Variants in TNRC6C observed in about 807,000 individuals in gnomAD.
The protein encoded by TNRC6C is trinucleotide repeat-containing gene 6C protein.
A neutral mutation model predicts 153.7 loss-of-function variants in TNRC6C; 20 were observed. The ratio of observed to expected loss-of-function variants is 0.13; its 90% CI spans 0.09 to 0.19. The LOEUF is 0.19. TNRC6C is among the 10% of genes least tolerant of loss of function. The probability of loss-of-function intolerance (pLI) is 1.00; values close to 1 mark genes in which losing one functional copy is unlikely to be tolerated. For missense variants in TNRC6C, 1,987 were observed against 2,172.0 expected, an observed-to-expected ratio of 0.91 and a Z score of 1.69; for synonymous variants, 811 against 841.4, an observed-to-expected ratio of 0.96 and a Z score of 0.63.
chr17:77,965,105 AC>A (rs1567892555), intron 1 of TNRC6C, among the ~76,000 whole-genome samples: 1 of 152,326 alleles, frequency 6.6e-6, no homozygotes, highest in East Asian at 1.9e-4. Context: ...TTTAATCCTC[AC>A]AACACTCCTG....
chr17:78,061,118 A>G (rs2072759815), intron 3 of TNRC6C, among the ~76,000 whole-genome samples: 1 of 152,180 alleles, frequency 6.6e-6, no homozygotes, highest in East Asian at 1.9e-4. Flanking sequence ...ATTTGAAGAA[A>G]TTGAAGGGAG....
At chr17:78,106,409 G>A (rs1281134613) in exon 20 of TNRC6C, 4 of 151,818 alleles carry the variant, frequency 2.6e-5, no homozygotes, top group African/African-American at 9.7e-5. Context: ...AGGCGTTGTG[G>A]CCACTGTCTT....
At chr17:77,967,192 T>G (rs2070904132) in intron 1 of TNRC6C, among the ~76,000 whole-genome samples, 1 of 152,224 alleles carries the variant, frequency 6.6e-6, no homozygotes, top group Non-Finnish European at 1.5e-5. Flanking sequence ...TCTATCAACT[T>G]TAGACTTTAA....
rs1209704353 is a variant in TNRC6C at position 78,075,824 on chromosome 17, C to G, written c.3060+546C>G. Among the ~76,000 whole-genome samples, 1 of 152,020 alleles carries G rather than the reference C, an allele frequency of 6.6e-6. No homozygotes were observed. The highest frequency in any genetic ancestry group is 1.5e-5 in the Non-Finnish European group (1 of 68,016). ...ATGTCCCCATGCCAGACTGGTGTGA[C>G]TGCAAAGCGGAGAAAAGCATTGCAC... On this transcript the variant is annotated intron_variant, in intron 8 of 19. Transcript: ENST00000301624. This position sits in a 1 kb window ranked among gnomAD's most constrained non-coding sequence, Gnocchi z 4.2.
chr17:77,971,471 T>G (rs866550843), intron 1 of TNRC6C, among the ~76,000 whole-genome samples: 1 of 152,140 alleles, frequency 6.6e-6, no homozygotes, highest in Non-Finnish European at 1.5e-5. Context: ...CTCCCCAGAC[T>G]CAATATTTCC....
At chr17:78,002,592 C>T (rs1226404936), upstream of TNRC6C, among the ~76,000 whole-genome samples, 2 of 152,158 alleles carry the variant, frequency 1.3e-5, no homozygotes, top group Non-Finnish European at 2.9e-5. Flanking sequence ...TCCCAGAGCA[C>T]TTATAAAGCT....
At chr17:77,974,125 A>G (rs1291773697) in intron 1 of TNRC6C, among the ~76,000 whole-genome samples, 1 of 152,140 alleles carries the variant, frequency 6.6e-6, no homozygotes, top group Non-Finnish European at 1.5e-5. Context: ...AAAAGTTAAA[A>G]CAGGCTGAAG....
intron 1 of TNRC6C, among the ~76,000 whole-genome samples, chr17:77,968,461 C>T (rs2070916055): frequency 6.6e-6 from 1 of 152,044 alleles, no homozygotes; most frequent in African/African-American, 2.4e-5. Context: ...TCTGCCTCAG[C>T]CTCCCAAGTA....
chr17:77,973,826 A>T (rs2070961819), intron 1 of TNRC6C, among the ~76,000 whole-genome samples: 1 of 152,206 alleles, frequency 6.6e-6, no homozygotes, highest in South Asian at 2.1e-4. Flanking sequence ...TTGCTGAGAG[A>T]AATTAAAGAG....
intron 6 of TNRC6C, among the ~76,000 whole-genome samples, chr17:78,072,298 T>TC (rs1159602935): frequency 6.6e-6 from 1 of 152,256 alleles, no homozygotes; most frequent in Non-Finnish European, 1.5e-5. Flanking sequence ...ATTACTGTGT[T>TC]CCAGTCATAA....
At chr17:78,091,565 C>A in exon 14 of TNRC6C, 1 of 1,592,708 alleles carries the variant, frequency 6.3e-7, no homozygotes, top group Non-Finnish European at 8.5e-7. Flanking sequence ...GGATAACTTG[C>A]CCAGTGCCGC....
chr17:77,992,985 A>T (rs1241740980), intron 1 of TNRC6C, among the ~76,000 whole-genome samples: 2 of 151,210 alleles, frequency 1.3e-5, no homozygotes, highest in Non-Finnish European at 2.9e-5. Flanking sequence ...TTTTTTTTTG[A>T]GATGGAGTCT....
intron 2 of TNRC6C, among the ~76,000 whole-genome samples, chr17:78,033,939 C>G (rs1206149601): frequency 6.6e-6 from 1 of 152,220 alleles, no homozygotes; most frequent in African/African-American, 2.4e-5. Context: ...CCCTCACAAA[C>G]CTGCCGTGGT....
chr17:77,971,162 G>T (rs1275492204), intron 1 of TNRC6C, among the ~76,000 whole-genome samples: 1 of 152,124 alleles, frequency 6.6e-6, no homozygotes, highest in Non-Finnish European at 1.5e-5. Flanking sequence ...CAAGTCTCTG[G>T]AATTTGTTAT....
chr17:78,073,021 C>G lies in TNRC6C; in HGVS notation c.2860-16C>G. 6.5e-7 allele frequency: 1 copy of G among 1,549,478 alleles called. No homozygotes were observed. Among genetic ancestry groups the G allele is most frequent in the Non-Finnish European group, 8.7e-7 (1 of 1,145,100 alleles). On this transcript the variant is annotated splice_polypyrimidine_tract_variant and intron_variant, in intron 6 of 19. Transcript: ENST00000301624. ...TAATTAATGTGCACTAATGAAAACT[C>G]TGTTTTCCTACACAGAGAGAGCCAG... is the stretch of plus-strand genomic sequence containing the variant.
chr17:78,021,559 G>C (rs2071832295), intron 1 of TNRC6C, among the ~76,000 whole-genome samples: 1 of 152,142 alleles, frequency 6.6e-6, no homozygotes, highest in Non-Finnish European at 1.5e-5. Context: ...CATGGAATAG[G>C]TTATTTATTT....
Position 78,094,493 on chromosome 17 carries a change from T to C in TNRC6C, c.4306+730T>C, listed in dbSNP as rs185894391. Among the ~76,000 whole-genome samples, 432 of 151,500 alleles carry C rather than the reference T, an allele frequency of 2.9e-3. 4 individuals are homozygous for C. The highest frequency in any genetic ancestry group is 9.9e-3 in the African/African-American group (410 of 41,284). On this transcript the variant is annotated intron_variant, in intron 16 of 19. Coordinates refer to ENST00000301624, the Ensembl canonical transcript of TNRC6C. ...TCGCTCTCTTGCCCAGGCTGGAGTATAGTGGCGTGATCTTGGCTCACTGCA... is the reference window on the plus strand; with the variant it reads ...TCGCTCTCTTGCCCAGGCTGGAGTACAGTGGCGTGATCTTGGCTCACTGCA...
intron 9 of TNRC6C, 125 bp downstream of exon 11, chr17:78,077,459 A>G: frequency 8.0e-7 from 1 of 1,256,084 alleles, no homozygotes; most frequent in Non-Finnish European, 1.1e-6. Flanking sequence ...CTGAAAAAGT[A>G]GTTGAAATAC....
intron 1 of TNRC6C, among the ~76,000 whole-genome samples, chr17:78,006,808 T>TTTTATTTA (rs1199249926): frequency 4.3e-4 from 64 of 148,230 alleles, no homozygotes; most frequent in Non-Finnish European, 5.8e-4. Context: ...GAGAATTTTC[T>TTTTATTTA]TTTATTTATT....
Sources: gnomAD v4.1 joint callset for allele counts (sites outside exome capture counted in the v4.1 genomes callset) on GRCh38, gnomAD v4.1.1 for gene constraint, Gnocchi (gnomAD v3.1) non-coding constraint, MANE v1.5 for transcripts, NCBI Gene and HGNC (gene_info 2026-07-23, HGNC 2026-07-21) for gene names.